TGM2: variants seen among roughly 807,000 people sequenced by gnomAD.
TGM2 encodes transglutaminase 2, also known as protein-glutamine gamma-glutamyltransferase 2.
A neutral mutation model predicts 75.6 loss-of-function variants in TGM2; 53 were observed. That is an observed-to-expected ratio of 0.70 (90% confidence interval 0.56 to 0.88). The LOEUF (loss-of-function observed/expected upper bound fraction) is 0.88, where lower values mean the gene tolerates loss of function less well. Ranked by LOEUF, TGM2 falls within the 40% of genes least tolerant of loss-of-function variation. The pLI, the probability that TGM2 is intolerant of heterozygous loss-of-function variation, is 0.00. For synonymous variants in TGM2, 374 were observed against 381.1 expected, an observed-to-expected ratio of 0.98 and a Z score of 0.22; for missense variants, 842 against 928.5, an observed-to-expected ratio of 0.91 and a Z score of 1.21.
intron 12 of TGM2, 58 bp downstream of exon 12, chr20:38,131,033 ACC>A: frequency 6.2e-7 from 1 of 1,604,012 alleles, no homozygotes; most frequent in South Asian, 1.1e-5. Flanking sequence ...GACAGTCTCT[ACC>A]CCCACCGGCA....
rs1282717924 is a variant in TGM2, at chr20:38,152,147, C to T, written c.434-1090G>A. On this transcript the variant is annotated intron_variant, in intron 3 of 12. Transcript: ENST00000361475. ...GTTCAACTTAAATGTTCATTTTTTTCTCCTGATTTTAAATTACATTAAAAC... is the reference window on the plus strand; with the variant it reads ...GTTCAACTTAAATGTTCATTTTTTTTTCCTGATTTTAAATTACATTAAAAC... Among the ~76,000 whole-genome samples the T allele has an allele frequency of 5.3e-5, 8 of 152,070 alleles. No homozygotes were observed. In the East Asian group the frequency reaches 1.5e-3, roughly 29 times the overall value.
At chr20:38,155,696 G>T (rs2075175469) in intron 3 of TGM2, 151 bp downstream of exon 3, 2 of 1,254,252 alleles carry the variant, frequency 1.6e-6, no homozygotes, top group Admixed American at 2.7e-5. Flanking sequence ...ATGTCTTGAG[G>T]GTTTTGTGAG....
chr20:38,141,975 A>G lies in TGM2; in HGVS notation c.995+89T>C, dbSNP rs191074610. 9.9e-4 allele frequency: 1,523 copies of G among 1,538,292 alleles called. 2 individuals are homozygous for G. Among genetic ancestry groups the G allele is most frequent in the Non-Finnish European group, 1.1e-3 (1,279 of 1,114,674 alleles). On this transcript the variant is annotated intron_variant, in intron 7 of 12. Transcript: ENST00000361475. The stretch of plus-strand genomic sequence containing the variant: ...GCTGAACTTTTAAGGCCCAATTCAA[A>G]TGTGACCTCCTCCAAGAAGCCCTCC...
Position 38,130,279 on chromosome 20 carries a change from G to T in TGM2, c.2004C>A (p.Phe668Leu), listed in dbSNP as rs369270091. Residue 668 changes from phenylalanine to leucine, a missense_variant, in exon 13 of 13, where the codon TTC (phenylalanine) becomes TTA (leucine). Coordinates refer to ENST00000361475, the MANE Select transcript of TGM2 (RefSeq NM_004613.4). ...TCACAGCCTTCAGCTTGTCGCTCTCGAAGTTCACCACCAGCTTGTGGAGGC... is the reference window on the plus strand; with the variant it reads ...TCACAGCCTTCAGCTTGTCGCTCTCTAAGTTCACCACCAGCTTGTGGAGGC... ...HMGLHKLVVN[F>L]ESDKLKAVKG... 26 of 1,613,028 alleles carry T rather than the reference G, an allele frequency of 1.6e-5. No individual in the cohort carries two copies. The highest frequency in any genetic ancestry group is 2.2e-5 in the Non-Finnish European group (26 of 1,179,800).
chr20:38,145,236 G>C (rs1223157337), intron 6 of TGM2: 2 of 152,144 alleles, frequency 1.3e-5, no homozygotes, highest in African/African-American at 2.4e-5. Context: ...TGGGGGCCCT[G>C]CCAGGCACCC....
At chr20:38,146,108 T>C (rs963903425) in intron 6 of TGM2, 4 of 156,714 alleles carry the variant, frequency 2.6e-5, no homozygotes, top group African/African-American at 9.6e-5. Flanking sequence ...ATCGACATTT[T>C]CTGGCCTTAA....
At chr20:38,154,664 G>T (rs1374913350) in intron 3 of TGM2, among the ~76,000 whole-genome samples, 2 of 152,210 alleles carry the variant, frequency 1.3e-5, no homozygotes, top group African/African-American at 4.8e-5. Flanking sequence ...TCCCCCTTGG[G>T]ATTGTTGAGA....
rs755986044 is a variant in TGM2 at position 38,150,979 on chromosome 20, G to C, written c.512C>G (p.Ser171Trp). The change falls in exon 4 of 13, where the codon TCG (serine) becomes TGG (tryptophan). Residue 171 changes from serine (S) to tryptophan (W), a missense_variant. Transcript: ENST00000361475. Reference sequence around the variant, plus strand: ...AGGTATGTTCTTGATGAACTTGGCCGAGCCCTGGTAGATAAAGCCCTGCTG... The same window carrying C: ...AGGTATGTTCTTGATGAACTTGGCCCAGCCCTGGTAGATAAAGCCCTGCTG... Reference protein sequence around the residue: ...LTQQGFIYQGSAKFIKNIPWN... With the variant: ...LTQQGFIYQGWAKFIKNIPWN... The C allele has an allele frequency of 3.7e-6, 6 of 1,614,160 alleles. No individual in the cohort carries two copies. Among genetic ancestry groups the C allele is most frequent in the Non-Finnish European group, 5.1e-6 (6 of 1,180,006 alleles).
chr20:38,168,379 G>A (rs761088653), upstream of TGM2, among the ~76,000 whole-genome samples: 8 of 152,188 alleles, frequency 5.3e-5, no homozygotes, highest in African/African-American at 1.4e-4. Context: ...TTACCTCACC[G>A]GGGCTGTAAA....
At position 38,149,697 on chromosome 20, in the gene TGM2, A is replaced by C. The variant is rs908864608; in HGVS notation, c.552+1242T>G. Among the ~76,000 whole-genome samples the C allele has an allele frequency of 1.1e-4, 16 of 151,036 alleles. 1 individual carries two copies. Among genetic ancestry groups the C allele is most frequent in the Non-Finnish European group, 1.8e-4 (12 of 67,746 alleles). ...CCGCCTCAAAAAAAAAAAAAAAAAA[A>C]AAAACAGGACCCTGGGAAATAAAGG... On this transcript the variant is annotated intron_variant, in intron 4 of 12. Coordinates refer to ENST00000361475, the MANE Select transcript of TGM2 (RefSeq NM_004613.4).
rs1220350010 is a variant in TGM2 at position 38,132,373 on chromosome 20, G to T, written c.1743C>A (p.Asp581Glu). 1.2e-6 allele frequency: 2 copies of T among 1,613,960 alleles called. No individual in the cohort carries two copies. The highest frequency in any genetic ancestry group is 1.7e-6 in the Non-Finnish European group (2 of 1,180,024). ...VINSYLLAER[D>E]LYLENPEIKI... ...TGATTTCTGGATTCTCCAGGTAGAG[G>T]TCCCTCTCAGCCAGCAGGTAGCTGT... The change falls in exon 11 of 13, where the codon GAC (aspartate) becomes GAA (glutamate). Residue 581 changes from aspartate to glutamate, a missense_variant. Physicochemically the swap from Asp to Glu is conservative, Grantham distance 45. Coordinates refer to ENST00000361475, the MANE Select transcript of TGM2 (RefSeq NM_004613.4).
chr20:38,139,594 T>G lies in TGM2; in HGVS notation c.1160A>C (p.Lys387Thr), dbSNP rs1441384401. Residue 387 changes from lysine (K) to threonine (T), a missense_variant, in exon 9 of 13, where the codon AAG becomes ACG. Physicochemically the swap from Lys to Thr is moderately conservative, Grantham distance 78. Transcript: ENST00000361475. ...CGCAAAGACAAAGGGCGCATCGTACTTGGTGCTCAGGTCGCCCTCCTTGAT... is the reference window on the plus strand; with the variant it reads ...CGCAAAGACAAAGGGCGCATCGTACGTGGTGCTCAGGTCGCCCTCCTTGAT... The part of the protein sequence containing the change: ...RAIKEGDLST[K>T]YDAPFVFAEV... 1.2e-6 allele frequency: 2 copies of G among 1,614,074 alleles called. No homozygotes were observed. The highest frequency in any genetic ancestry group is 1.7e-6 in the Non-Finnish European group (2 of 1,180,038).
chr20:38,132,232 G>T (rs1045118004), intron 11 of TGM2, 108 bp downstream of exon 11: 3 of 1,315,122 alleles, frequency 2.3e-6, no homozygotes, highest in African/African-American at 2.9e-5. Context: ...AGGCACCAAA[G>T]GTCTGGAGCT....
chr20:38,165,387 G>A, upstream of TGM2: 2 of 778,476 alleles, frequency 2.6e-6, no homozygotes, highest in Non-Finnish European at 2.0e-6. Flanking sequence ...GGCCCACGCC[G>A]CCAGCGCTGG....
At chr20:38,148,379 G>A (rs1435152791) in intron 4 of TGM2, among the ~76,000 whole-genome samples, 1 of 152,184 alleles carries the variant, frequency 6.6e-6, no homozygotes, top group Non-Finnish European at 1.5e-5. Context: ...CATGGAGTGG[G>A]CAGCCCGGTG....
At chr20:38,147,546 C>T (rs45601231) in intron 5 of TGM2, among the ~76,000 whole-genome samples, 154 of 152,278 alleles carry the variant, frequency 1.0e-3, no homozygotes, top group Non-Finnish European at 1.7e-3. Flanking sequence ...TCTCACACCT[C>T]GGGTTCCTTC....
rs1459310228 is a variant in TGM2, at chr20:38,130,067, G to T, written c.*152C>A. 3.9e-6 allele frequency: 4 copies of T among 1,021,130 alleles called. No individual in the cohort carries two copies. Among genetic ancestry groups the T allele is most frequent in the African/African-American group, 1.6e-5 (1 of 63,014 alleles). The allele number at this position is 1,021,130 out of a possible 1,614,324, so 63.3% of individuals were successfully genotyped here. A position where few individuals can be genotyped will look rare whatever the true frequency, so the allele number is the denominator to read the frequency against. On this transcript the variant is annotated 3_prime_UTR_variant, in exon 13 of 13. Coordinates refer to ENST00000361475, the MANE Select transcript of TGM2 (RefSeq NM_004613.4). ...CCACAGGCTCAGGAGGCTGAGATGG[G>T]CCAGGGGCACATTCCATTTCCGAGA...
Position 38,131,216 on chromosome 20 carries a change from G to A in TGM2, c.1790C>T (p.Pro597Leu), listed in dbSNP as rs1315597742. The change falls in exon 12 of 13, where the codon CCC becomes CTC. Residue 597 changes from proline to leucine, a missense_variant. Physicochemically the swap from Pro to Leu is moderately conservative, Grantham distance 98. Transcript: ENST00000361475. ...PEIKIRILGEPKQKRKLVAEV... is the reference protein window; with the variant it reads ...PEIKIRILGELKQKRKLVAEV... ...AGCCACCAGCTTGCGTTTCTGCTTG[G>A]GCTCCCCAAGGATCTGGAAGAGGGC... 2 of 1,613,664 alleles carry A rather than the reference G, an allele frequency of 1.2e-6. No homozygotes were observed. The highest frequency in any genetic ancestry group is 2.7e-5 in the African/African-American group (2 of 74,850).
At position 38,156,018 on chromosome 20, in the gene TGM2, A is replaced by T; in HGVS notation, c.262T>A (p.Trp88Arg). 1 of 1,613,858 alleles carries T rather than the reference A, an allele frequency of 6.2e-7. No homozygotes were observed. The highest frequency in any genetic ancestry group is 8.5e-7 in the Non-Finnish European group (1 of 1,179,972). Reference sequence around the variant, plus strand: ...TGCTGGTCCACCACGGTGGCTGTCCAGTCACCCTCCTCCACAGCATCTCTT... The same window carrying T: ...TGCTGGTCCACCACGGTGGCTGTCCTGTCACCCTCCTCCACAGCATCTCTT... ...PLRDAVEEGDWTATVVDQQDC... is the reference protein window; with the variant it reads ...PLRDAVEEGDRTATVVDQQDC... Residue 88 changes from tryptophan (W) to arginine (R), a missense_variant, in exon 3 of 13, where the codon TGG becomes AGG. Transcript: ENST00000361475.
Sources: allele counts gnomAD v4.1 joint callset (sites outside exome capture counted in the v4.1 genomes callset), GRCh38; gene constraint gnomAD v4.1.1; transcripts MANE v1.5; gene names NCBI Gene and HGNC (gene_info 2026-07-23, HGNC 2026-07-21).